The following MUC4 variants were observed in gnomAD, a reference collection of about 807,000 sequenced individuals.
MUC4 encodes the protein mucin 4, cell surface associated.
MUC4 carries 202 observed loss-of-function variants against 257.9 expected under a neutral mutation model. The observed-to-expected ratio is 0.78, with a 90% CI of 0.70 to 0.88. The LOEUF is 0.88. MUC4 is among the 40% of genes least tolerant of loss of function. The pLI is 0.00. For synonymous variants in MUC4, 2,351 were observed against 2,757.1 expected (o/e 0.85, Z 4.62); for missense variants, 5,976 against 6,513.7 (o/e 0.92, Z 2.84).
Position 195,747,215 on chromosome 3 carries a change from C to T in MUC4, c.16200G>A (p.Arg5400=). The T allele has an allele frequency of 1.2e-6, 2 of 1,614,290 alleles. No individual in the cohort carries two copies. Among genetic ancestry groups the T allele is most frequent in the Non-Finnish European group, 1.7e-6 (2 of 1,180,054 alleles). The change falls in exon 25 of 25, where the codon AGG becomes AGA. Residue 5400 remains arginine (R), a synonymous_variant. Transcript: ENST00000463781. The stretch of plus-strand genomic sequence containing the variant: ...CAGCTGAGTTCAGGAAATAGGAGAA[C>T]CTGGCCCCGGAGCAACCCCAGAAGC... ...VLRFWGCSGA[R]FSYFLNSAEA... is the part of the protein sequence containing the mutation.
rs1380744168 is a variant in MUC4 at position 195,780,020 on chromosome 3, T to C, written c.11560A>G (p.Thr3854Ala). The change falls in exon 2 of 25, where the codon ACC becomes GCC. Residue 3854 changes from threonine (T) to alanine (A), a missense_variant. Around this residue, in one of 44 missense-constraint regions of MUC4, gnomAD observed 330 missense variants for 262.0 expected, o/e 1.26. Coordinates refer to ENST00000463781, the MANE Select transcript of MUC4 (RefSeq NM_018406.7). ...GGGCTAGTGACAGGAAGAGGCATGG[T>C]GTCACCTGTGGATACTGAGGAAGGG... ...TIPSSVSTGD[T>A]MPLPVTSPSS... The C allele has an allele frequency of 8.0e-5, 57 of 711,376 alleles. 2 individuals carry two copies. In the Middle Eastern group the frequency reaches 2.0e-3, roughly 25 times the overall value. 44.1% of individuals were successfully genotyped at this position (711,376 alleles called of 1,614,324 possible).
Position 195,757,172 on chromosome 3 carries a change from C to G in MUC4, c.15143G>C (p.Ser5048Thr). 1 of 1,604,264 alleles carries G rather than the reference C, an allele frequency of 6.2e-7. No individual in the cohort carries two copies. The highest frequency in any genetic ancestry group is 1.3e-5 in the African/African-American group (1 of 74,894). ...CTCCAGGGAGGAGTTGCCCACCCTG[C>G]TGGTCTGATTGTACAAACACTGGCT... ...AESQCLYNQT[S>T]RVGNSSLEVA... is the part of the protein sequence containing the mutation. The change falls in exon 18 of 25, where the codon AGC (serine) becomes ACC (threonine). Residue 5048 changes from serine (S) to threonine (T), a missense_variant. Physicochemically the swap from Ser to Thr is moderately conservative, Grantham distance 58. Coordinates refer to ENST00000463781, the MANE Select transcript of MUC4 (RefSeq NM_018406.7). The surrounding 1 kb of genome is among the most constrained non-coding windows in gnomAD (Gnocchi z 4.8).
At chr3:195,775,144 C>G (rs1276550966) in intron 3 of MUC4, among the ~76,000 whole-genome samples, 1 of 152,214 alleles carries the variant, frequency 6.6e-6, no homozygotes, top group South Asian at 2.1e-4. Flanking sequence ...TGGAAACCCG[C>G]AGGCTCTCCT....
At chr3:195,774,901 CAA>C (rs10666795) in intron 3 of MUC4, among the ~76,000 whole-genome samples, 7 of 118,544 alleles carry the variant, frequency 5.9e-5, no homozygotes, top group Non-Finnish European at 3.4e-5. Flanking sequence ...AACTCCATCT[CAA>C]AAAAAAAAAA....
chr3:195,781,477 G>C lies in MUC4; in HGVS notation c.10103C>G (p.Ser3368Ter). The change falls in exon 2 of 25, where the codon TCA becomes TGA. Residue 3368 changes from serine to a stop codon, truncating the protein, a stop_gained. Transcript: ENST00000463781. LOFTEE classifies it high-confidence loss of function. ...ACGGGTGGTGTCACCTGTGGAAGCTGAGGAAAGGCCGGTGACAGGAAGAGG... is the reference window on the plus strand; with the variant it reads ...ACGGGTGGTGTCACCTGTGGAAGCTCAGGAAAGGCCGGTGACAGGAAGAGG... ...ATPLPVTGLS[S>*]ASTGDTTRLP... 1 of 1,543,066 alleles carries C rather than the reference G, an allele frequency of 6.5e-7. No individual in the cohort carries two copies. Among genetic ancestry groups the C allele is most frequent in the South Asian group, 1.2e-5 (1 of 83,972 alleles).
chr3:195,767,739 T>TTGC (rs1560264351), intron 7 of MUC4, among the ~76,000 whole-genome samples: 1 of 3,146 alleles, frequency 3.2e-4, no homozygotes, highest in Admixed American at 3.4e-3. Context: ...ACCACCACCA[T>TTGC]CACCATCGCC....
chr3:195,752,300 C>A lies in MUC4; in HGVS notation c.15582+73G>T, dbSNP rs187768943. ...GATGGATGACAAGATGAAGGCCGCA[C>A]AGCGATGGTTCCGCCCTGGCCTGAA... On this transcript the variant is annotated intron_variant, in intron 21 of 24. Coordinates refer to ENST00000463781, the MANE Select transcript of MUC4 (RefSeq NM_018406.7). 1.5e-5 allele frequency: 20 copies of A among 1,340,318 alleles called. 1 individual carries two copies. The East Asian group carries it at 4.3e-4, about 29-fold the overall frequency. 83.0% of individuals were successfully genotyped at this position (1,340,318 alleles called of 1,614,324 possible).
At position 195,790,137 on chromosome 3, in the gene MUC4, A is replaced by C. The variant is rs1578429683; in HGVS notation, c.1443T>G (p.Thr481=). 1.2e-6 allele frequency: 2 copies of C among 1,614,030 alleles called. No individual in the cohort carries two copies. The highest frequency in any genetic ancestry group is 1.7e-5 in the Admixed American group (1 of 60,020). The change falls in exon 2 of 25, where the codon ACT becomes ACG. Residue 481 remains threonine, a synonymous_variant. Coordinates refer to ENST00000463781, the MANE Select transcript of MUC4 (RefSeq NM_018406.7). ...FSPGVSQEIF[T]LHETTTWPSS... ...AAGGCCATGTTGTTGTTTCATGTAG[A>C]GTAAATATTTCTTGAGACACACCTG... is the stretch of plus-strand genomic sequence containing the variant.
In MUC4 at chr3:195,782,180, C is replaced by A; in HGVS notation, c.9400G>T (p.Ala3134Ser). Residue 3134 changes from alanine (A) to serine (S), a missense_variant, in exon 2 of 25, where the codon GCC (alanine) becomes TCC (serine). By Grantham distance (99) the Ala-to-Ser change is moderately conservative. Around this residue, in one of 44 missense-constraint regions of MUC4, gnomAD observed 128 missense variants for 104.8 expected, o/e 1.22. Coordinates refer to ENST00000463781, the MANE Select transcript of MUC4 (RefSeq NM_018406.7). Reference sequence around the variant, plus strand: ...GTGCTGGTGACAGGAAGAGCGGTGGCCTGACCTGTGGATGCTGAGGAAGTG... The same window carrying A: ...GTGCTGGTGACAGGAAGAGCGGTGGACTGACCTGTGGATGCTGAGGAAGTG... Reference protein sequence around the residue: ...TDTSSASTGQATALPVTSTSS... With the variant: ...TDTSSASTGQSTALPVTSTSS... 8 of 1,296,776 alleles carry A rather than the reference C, an allele frequency of 6.2e-6. No homozygotes were observed. Among genetic ancestry groups the A allele is most frequent in the African/African-American group, 1.8e-5 (1 of 55,586 alleles). 80.3% of individuals were successfully genotyped at this position (1,296,776 alleles called of 1,614,324 possible).
intron 7 of MUC4, among the ~76,000 whole-genome samples, chr3:195,767,739 TCACCATCGC>T (rs1560264414): frequency 9.5e-4 from 3 of 3,144 alleles, no homozygotes; most frequent in Non-Finnish European, 2.0e-3. Flanking sequence ...ACCACCACCA[TCACCATCGC>T]CACCACCACC....
chr3:195,792,681 C>T lies in MUC4; in HGVS notation c.83-1184G>A, dbSNP rs188538468. On this transcript the variant is annotated intron_variant, in intron 1 of 24. Coordinates refer to ENST00000463781, the MANE Select transcript of MUC4 (RefSeq NM_018406.7). ...ATTCTGTTATAAAGATACATGCACA[C>T]GTATGTTTACTGCAGCACTATTTAC... 2.2e-3 allele frequency among the ~76,000 whole-genome samples: 328 copies of T among 152,278 alleles called. 5 individuals are homozygous for T. Among genetic ancestry groups the T allele is most frequent in the African/African-American group, 7.7e-3 (319 of 41,544 alleles).
chr3:195,753,046 G>T lies in MUC4; in HGVS notation c.15508+5C>A, dbSNP rs189523147. 6.2e-7 allele frequency: 1 copy of T among 1,609,266 alleles called. No homozygotes were observed. Among genetic ancestry groups the T allele is most frequent in the East Asian group, 2.2e-5 (1 of 44,708 alleles). ...GGGGTGAGAGGGCGGGGTCTCTGGCGGTACCTAGGTTGACAGTTGGACTGA... is the reference window on the plus strand; with the variant it reads ...GGGGTGAGAGGGCGGGGTCTCTGGCTGTACCTAGGTTGACAGTTGGACTGA... On this transcript the variant is annotated splice_donor_5th_base_variant and intron_variant, in intron 20 of 24. Transcript: ENST00000463781.
chr3:195,773,932 T>A (rs559764930), intron 4 of MUC4, among the ~76,000 whole-genome samples: 1 of 152,214 alleles, frequency 6.6e-6, no homozygotes, highest in South Asian at 2.1e-4. Flanking sequence ...GTTTCCCAAG[T>A]GTAGCTTTTT....
At chr3:195,751,595 T>C (rs1173332460) in intron 21 of MUC4, 1 of 465,614 alleles carries the variant, frequency 2.1e-6, no homozygotes, top group Non-Finnish European at 3.9e-6. Flanking sequence ...CCCCAGTATA[T>C]TGAACATGGG....
At chr3:195,756,084 T>C (rs1266007283) in intron 18 of MUC4, among the ~76,000 whole-genome samples, 4 of 152,076 alleles carry the variant, frequency 2.6e-5, no homozygotes, top group East Asian at 1.9e-4. Context: ...TGGAAGGAGA[T>C]AGTAAAAGAG....
At chr3:195,750,482 G>A (rs1470607656) in intron 23 of MUC4, 1 of 286,968 alleles carries the variant, frequency 3.5e-6, no homozygotes, top group Non-Finnish European at 6.6e-6. Context: ...CCATTTCAGG[G>A]AGTAGTTGCC....
Position 195,788,367 on chromosome 3 carries a change from G to A in MUC4, c.3213C>T (p.Thr1071=). Residue 1071 remains threonine, a synonymous_variant, in exon 2 of 25, where the codon ACC becomes ACT. Transcript: ENST00000463781. ...DTSSASTGHV[T]PLPVTSLSSA... ...AGGAAAGGCTGGTGACAGGAAGAGG[G>A]GTGACGTGACCTGTGGATGCTGAGG... 6 of 1,540,366 alleles carry A rather than the reference G, an allele frequency of 3.9e-6. No homozygotes were observed. Among genetic ancestry groups the A allele is most frequent in the Middle Eastern group, 2.1e-4 (1 of 4,784 alleles).
Position 195,746,924 on chromosome 3 carries a change from G to A in MUC4, c.*252C>T. 1.7e-6 allele frequency: 1 copy of A among 605,336 alleles called. No individual in the cohort carries two copies. The allele number at this position is 605,336 out of a possible 1,614,324, so 37.5% of individuals were successfully genotyped here. A position where few individuals can be genotyped will look rare whatever the true frequency, so the allele number is the denominator to read the frequency against. On this transcript the variant is annotated 3_prime_UTR_variant, in exon 25 of 25. Coordinates refer to ENST00000463781, the MANE Select transcript of MUC4 (RefSeq NM_018406.7). ...TGTGTGTGCACGCGCGCGTGCACAG[G>A]CTAGTGTCCTTCTGTGGGTGTGTCT...
At chr3:195,811,427 C>T (rs931329149) in intron 1 of MUC4, among the ~76,000 whole-genome samples, 13 of 152,042 alleles carry the variant, frequency 8.6e-5, no homozygotes, top group Non-Finnish European at 1.8e-4. Context: ...CCTGCCTTGG[C>T]CTCCGAAAGT....
Sources: allele counts gnomAD v4.1 joint callset (sites outside exome capture counted in the v4.1 genomes callset), GRCh38; gene constraint gnomAD v4.1.1; regional missense constraint gnomAD v4.1.1; non-coding constraint Gnocchi (gnomAD v3.1); transcripts MANE v1.5; gene names NCBI Gene and HGNC (gene_info 2026-07-23, HGNC 2026-07-21).